NEO1: variants seen among roughly 807,000 people sequenced by gnomAD.
The protein encoded by NEO1 is neogenin.
Under a neutral mutation model 159.7 loss-of-function variants are expected in NEO1, and 63 were observed. The ratio of observed to expected loss-of-function variants is 0.39; its 90% CI spans 0.32 to 0.49. NEO1 has a LOEUF of 0.49. Ranked by LOEUF, NEO1 falls within the 20% of genes least tolerant of loss-of-function variation. The pLI is 0.85. For synonymous variants in NEO1, 633 were observed against 662.0 expected (o/e 0.96, Z 0.67); for missense variants, 1,615 against 1,831.0 (o/e 0.88, Z 2.15).
At chr15:73,088,988 G>A (rs2069524647) in intron 1 of NEO1, among the ~76,000 whole-genome samples, 1 of 152,106 alleles carries the variant, frequency 6.6e-6, no homozygotes, top group African/African-American at 2.4e-5. Flanking sequence ...AAGAGATTCA[G>A]ATTTGTGCAT....
intron 7 of NEO1, among the ~76,000 whole-genome samples, chr15:73,226,257 C>T (rs1334434637): frequency 6.6e-6 from 1 of 152,202 alleles, no homozygotes; most frequent in Non-Finnish European, 1.5e-5. Context: ...AGCTTAAATT[C>T]ACAGTGCGAG....
chr15:73,210,038 C>G (rs1567489729), intron 7 of NEO1, among the ~76,000 whole-genome samples: 1 of 152,066 alleles, frequency 6.6e-6, no homozygotes, highest in Non-Finnish European at 1.5e-5. Context: ...GTCTGGCCTA[C>G]TGGTATTGTG....
intron 7 of NEO1, among the ~76,000 whole-genome samples, chr15:73,197,087 C>G (rs1025150536): frequency 1.3e-5 from 2 of 152,112 alleles, no homozygotes; most frequent in Non-Finnish European, 2.9e-5. Flanking sequence ...GGCCAGGCAA[C>G]GGTGGCTCAC....
intron 7 of NEO1, among the ~76,000 whole-genome samples, chr15:73,184,389 C>T (rs777806464): frequency 1.3e-5 from 2 of 152,122 alleles, no homozygotes; most frequent in African/African-American, 4.8e-5. Flanking sequence ...TTGAGGTATA[C>T]TCCTACAGAC....
chr15:73,296,964 G>A (rs368024234), intron 26 of NEO1, among the ~76,000 whole-genome samples: 2 of 152,216 alleles, frequency 1.3e-5, no homozygotes, highest in African/African-American at 4.8e-5. Flanking sequence ...GAAAGCAAAA[G>A]CATGGATAAG....
intron 15 of NEO1, among the ~76,000 whole-genome samples, chr15:73,260,721 G>GAAGT (rs1271409526): frequency 6.6e-6 from 1 of 152,128 alleles, no homozygotes; most frequent in Non-Finnish European, 1.5e-5. Flanking sequence ...GAATAGGGTA[G>GAAGT]AAGTGTTGGG....
At chr15:73,067,514 A>G (rs921978222) in intron 1 of NEO1, among the ~76,000 whole-genome samples, 2 of 149,754 alleles carry the variant, frequency 1.3e-5, no homozygotes, top group Admixed American at 6.7e-5. Flanking sequence ...CAGTGGCAAT[A>G]TCTTGGCTCA....
intron 7 of NEO1, among the ~76,000 whole-genome samples, chr15:73,185,039 G>A (rs141733351): frequency 6.6e-6 from 1 of 152,074 alleles, no homozygotes; most frequent in Non-Finnish European, 1.5e-5. Flanking sequence ...AATTTGAAAG[G>A]GCTAAAAACC....
At chr15:73,257,132 C>CAAAAAAAAAAAAAAAAAAAAAAAAAAAAA (rs10623334) in intron 13 of NEO1, among the ~76,000 whole-genome samples, 4 of 54,774 alleles carry the variant, frequency 7.3e-5, no homozygotes, top group African/African-American at 2.3e-4. Context: ...ACTCTGTCTC[C>CAAAAAAAAAAAAAAAAAAAAAAAAAAAAA]AAAAAAAAAA....
intron 5 of NEO1, among the ~76,000 whole-genome samples, chr15:73,140,728 T>A (rs530987998): frequency 2.6e-5 from 4 of 152,322 alleles, no homozygotes; most frequent in African/African-American, 9.6e-5. Flanking sequence ...TAGAGTAGTC[T>A]TCCAGTCATA....
intron 5 of NEO1, 115 bp downstream of exon 5, chr15:73,136,142 T>C: frequency 1.3e-6 from 1 of 795,562 alleles, no homozygotes; most frequent in Non-Finnish European, 1.8e-6. Context: ...AAAGCATAAC[T>C]CCTAGACCAG....
intron 7 of NEO1, among the ~76,000 whole-genome samples, chr15:73,194,346 A>C (rs1000395301): frequency 6.6e-6 from 1 of 152,222 alleles, no homozygotes; most frequent in East Asian, 1.9e-4. Context: ...TTGCTATAAA[A>C]GAATACCTAA....
chr15:73,183,101 G>T (rs1255984892), intron 7 of NEO1, among the ~76,000 whole-genome samples: 1 of 152,096 alleles, frequency 6.6e-6, no homozygotes, highest in Non-Finnish European at 1.5e-5. Flanking sequence ...TTTTCCTTGG[G>T]GCTCCACAGA....
In NEO1 at chr15:73,081,582, GT is replaced by G. The variant is rs960256922; in HGVS notation, c.130+28788del. Among the ~76,000 whole-genome samples, 37 of 146,140 alleles carry G rather than the reference GT, an allele frequency of 2.5e-4. 1 individual carries two copies. Among genetic ancestry groups the G allele is most frequent in the African/African-American group, 8.2e-4 (33 of 40,128 alleles). ...TATTACAGCAAGTACTAAGTGTTTT[GT>G]TTTTTTTTTTCTGAGACAAGGACTC... On this transcript the variant is annotated intron_variant, in intron 1 of 28. Transcript: ENST00000261908.
intron 25 of NEO1, among the ~76,000 whole-genome samples, chr15:73,291,176 T>C (rs532946793): frequency 6.6e-6 from 1 of 152,294 alleles, no homozygotes; most frequent in East Asian, 1.9e-4. Flanking sequence ...AATTAATCCA[T>C]CCCAGTTGCT....
chr15:73,224,326 T>C (rs1449706275), intron 7 of NEO1, among the ~76,000 whole-genome samples: 1 of 152,198 alleles, frequency 6.6e-6, no homozygotes, highest in Non-Finnish European at 1.5e-5. Flanking sequence ...CCAGGTGTTT[T>C]TTGTGCTTCT....
intron 1 of NEO1, among the ~76,000 whole-genome samples, chr15:73,054,959 A>G (rs2067629954): frequency 6.6e-6 from 1 of 152,118 alleles, no homozygotes; most frequent in Non-Finnish European, 1.5e-5. Context: ...GATTGTAGGG[A>G]AGTGGACATG....
At chr15:73,204,077 T>C (rs2037070355) in intron 7 of NEO1, among the ~76,000 whole-genome samples, 1 of 151,766 alleles carries the variant, frequency 6.6e-6, no homozygotes, top group Non-Finnish European at 1.5e-5. Context: ...CTCATTAACC[T>C]TTGAAGTGCA....
rs16957672 is a variant in NEO1, at chr15:73,178,149, A to T, written c.1171-158A>T. 9.7e-3 allele frequency among the ~76,000 whole-genome samples: 1,476 copies of T among 152,296 alleles called. 22 individuals are homozygous for T. The highest frequency in any genetic ancestry group is 0.034 in the African/African-American group (1,394 of 41,552). The stretch of plus-strand genomic sequence containing the variant: ...TAAATTGGTACCTTGCCAATGCTTT[A>T]GTATGAAATTGAGTTAACAAGTACT... On this transcript the variant is annotated intron_variant, in intron 6 of 28. Coordinates refer to ENST00000261908, the MANE Select transcript of NEO1 (RefSeq NM_002499.4).
Sources: gnomAD v4.1 joint callset for allele counts (sites outside exome capture counted in the v4.1 genomes callset) on GRCh38, gnomAD v4.1.1 for gene constraint, MANE v1.5 for transcripts, NCBI Gene and HGNC (gene_info 2026-07-23, HGNC 2026-07-21) for gene names.